The following YES1 variants were observed in gnomAD, a reference collection of about 807,000 sequenced individuals.
YES1 encodes the protein YES proto-oncogene 1, Src family tyrosine kinase.
A neutral mutation model predicts 70.4 loss-of-function variants in YES1; 39 were observed. The ratio of observed to expected loss-of-function variants is 0.55; its 90% confidence interval spans 0.43 to 0.72. The LOEUF (loss-of-function observed/expected upper bound fraction) is 0.72, where lower values mean the gene tolerates loss of function less well. Ranked by LOEUF, YES1 falls within the 30% of genes least tolerant of loss-of-function variation. YES1 has a pLI of 0.00. For synonymous variants in YES1, 198 were observed against 218.6 expected, an observed-to-expected ratio of 0.91 and a Z score of 0.83; for missense variants, 495 against 644.8, an observed-to-expected ratio of 0.77 and a Z score of 2.52.
intron 1 of YES1, among the ~76,000 whole-genome samples, chr18:789,671 T>C (rs1235255533): frequency 6.6e-6 from 1 of 152,112 alleles, no homozygotes; most frequent in Non-Finnish European, 1.5e-5. Flanking sequence ...AGAGCAAATT[T>C]CAGATACTTA....
intron 1 of YES1, among the ~76,000 whole-genome samples, chr18:798,808 T>G (rs1344345682): frequency 6.6e-6 from 1 of 152,286 alleles, no homozygotes; most frequent in African/African-American, 2.4e-5. Context: ...TTACTGGTTT[T>G]CCAATGTTTC....
chr18:726,921 C>T (rs1171621598), intron 11 of YES1, among the ~76,000 whole-genome samples: 3 of 151,460 alleles, frequency 2.0e-5, no homozygotes, highest in African/African-American at 7.3e-5. Context: ...AGTAAACAGG[C>T]GCTGTTGCTT....
chr18:784,363 G>A (rs931009700), intron 1 of YES1, among the ~76,000 whole-genome samples: 1 of 152,188 alleles, frequency 6.6e-6, no homozygotes, highest in African/African-American at 2.4e-5. Flanking sequence ...AACTAAGGCT[G>A]GAGACGTTAA....
At chr18:748,071 AAT>A (rs2080301290) in intron 3 of YES1, 53 bp from the exon 4 acceptor site, 9 of 1,469,978 alleles carry the variant, frequency 6.1e-6, no homozygotes, top group Non-Finnish European at 8.6e-6. Context: ...CCCAAGGTAC[AAT>A]ATATTGCAGT....
intron 1 of YES1, among the ~76,000 whole-genome samples, chr18:803,230 G>A (rs1353843104): frequency 3.9e-5 from 6 of 152,136 alleles, no homozygotes; most frequent in East Asian, 1.9e-4. Flanking sequence ...GTGAGACTCC[G>A]TCTCAAAAAC....
chr18:780,594 T>C (rs568865046), intron 1 of YES1, among the ~76,000 whole-genome samples: 8 of 152,318 alleles, frequency 5.3e-5, no homozygotes, highest in African/African-American at 1.9e-4. Context: ...CTTTTCTTTA[T>C]AAATTAGCCA....
chr18:809,748 T>G (rs1400484557), intron 1 of YES1, among the ~76,000 whole-genome samples: 3 of 151,770 alleles, frequency 2.0e-5, no homozygotes, highest in African/African-American at 7.3e-5. Flanking sequence ...ATATAGACAT[T>G]ACACACTGGA....
chr18:804,837 C>A (rs1400607985), intron 1 of YES1, among the ~76,000 whole-genome samples: 3 of 137,194 alleles, frequency 2.2e-5, no homozygotes, highest in African/African-American at 8.3e-5. Flanking sequence ...TCACTTGAAC[C>A]CAGGAGGCTG....
chr18:769,648 C>CT (rs529834876), intron 1 of YES1, among the ~76,000 whole-genome samples: 152 of 152,234 alleles, frequency 1.0e-3, no homozygotes, highest in African/African-American at 3.3e-3. Flanking sequence ...TTGTCAAAAG[C>CT]TTTTCTACAT....
At chr18:728,909 A>G (rs1210759583) in intron 11 of YES1, among the ~76,000 whole-genome samples, 1 of 152,088 alleles carries the variant, frequency 6.6e-6, no homozygotes, top group African/African-American at 2.4e-5. Flanking sequence ...TTTGACCATG[A>G]TATGTTTGCT....
chr18:791,021 G>A (rs967915472), intron 1 of YES1, among the ~76,000 whole-genome samples: 7 of 152,140 alleles, frequency 4.6e-5, no homozygotes, highest in African/African-American at 7.2e-5. Flanking sequence ...AGGCCAGGGC[G>A]GGTGGATCAT....
chr18:766,222 T>A (rs1041571323), intron 1 of YES1, among the ~76,000 whole-genome samples: 1 of 152,146 alleles, frequency 6.6e-6, no homozygotes, highest in Non-Finnish European at 1.5e-5. Context: ...CGGTCTTATC[T>A]CTATTGCCAG....
At chr18:753,930 G>C (rs1003978773) in intron 2 of YES1, among the ~76,000 whole-genome samples, 1 of 152,054 alleles carries the variant, frequency 6.6e-6, no homozygotes, top group Non-Finnish European at 1.5e-5. Flanking sequence ...TACTCAAGCC[G>C]AGTCCATTAC....
intron 2 of YES1, among the ~76,000 whole-genome samples, chr18:755,921 T>C (rs1020035083): frequency 2.5e-4 from 38 of 152,318 alleles, no homozygotes; most frequent in South Asian, 2.1e-4. Flanking sequence ...ATCTATTTTT[T>C]TAAGAGCCTT....
rs1457539887 is a variant in YES1, at chr18:732,894, C to T, written c.1363G>A (p.Val455Ile). 2 of 1,614,210 alleles carry T rather than the reference C, an allele frequency of 1.2e-6. No homozygotes were observed. Among genetic ancestry groups the T allele is most frequent in the Non-Finnish European group, 1.7e-6 (2 of 1,180,040 alleles). Reference protein sequence around the residue: ...LYGRFTIKSDVWSFGILQTEL... With the variant: ...LYGRFTIKSDIWSFGILQTEL... ...GTTTGCAGAATTCCAAATGACCAGA[C>T]ATCAGACTTTATTGTAAACCGACCA... The change falls in exon 11 of 12, where the codon GTC becomes ATC. Residue 455 changes from valine (V) to isoleucine (I), a missense_variant. By Grantham distance (29) the Val-to-Ile change is conservative. Around this residue, in one of 2 missense-constraint regions of YES1, gnomAD observed 385 missense variants for 540.9 expected, o/e 0.71. Coordinates refer to ENST00000314574, the MANE Select transcript of YES1 (RefSeq NM_005433.4).
chr18:796,186 T>C (rs1440650725), intron 1 of YES1, among the ~76,000 whole-genome samples: 3 of 152,162 alleles, frequency 2.0e-5, no homozygotes, highest in African/African-American at 7.2e-5. Flanking sequence ...AATTTGTCCT[T>C]CTAGGAATCA....
intron 10 of YES1, among the ~76,000 whole-genome samples, chr18:735,307 T>TA (rs1239497727): frequency 1.3e-5 from 2 of 152,150 alleles, no homozygotes; most frequent in African/African-American, 4.8e-5. Context: ...CACCATGGTA[T>TA]ACTACTCAGC....
In YES1 at chr18:723,214, T is replaced by C. The variant is rs1023009231; in HGVS notation, c.*1210A>G. 6.6e-6 allele frequency: 1 copy of C among 152,314 alleles called. No homozygotes were observed. The highest frequency in any genetic ancestry group is 2.4e-5 in the African/African-American group (1 of 41,464). The allele number at this position is 152,314 out of a possible 1,614,324, so 9.4% of individuals were successfully genotyped here. A position where few individuals can be genotyped will look rare whatever the true frequency, so the allele number is the denominator to read the frequency against. On this transcript the variant is annotated 3_prime_UTR_variant, in exon 12 of 12. Coordinates refer to ENST00000314574, the MANE Select transcript of YES1 (RefSeq NM_005433.4). ...GAATGTGAAGCCATAACTTCATTATTTTGAACAAATACCCATTTAGTGTGT... is the reference window on the plus strand; with the variant it reads ...GAATGTGAAGCCATAACTTCATTATCTTGAACAAATACCCATTTAGTGTGT...
chr18:739,460 G>A (rs1193043697), intron 9 of YES1: 3 of 288,872 alleles, frequency 1.0e-5, no homozygotes, highest in African/African-American at 2.2e-5. Context: ...TAAATTAGCT[G>A]GGAATGGTGG....
Sources: gnomAD v4.1 joint callset for allele counts (sites outside exome capture counted in the v4.1 genomes callset) on GRCh38, gnomAD v4.1.1 for gene constraint, gnomAD v4.1.1 regional missense constraint, MANE v1.5 for transcripts, NCBI Gene and HGNC (gene_info 2026-07-23, HGNC 2026-07-21) for gene names.